Variants in PSME3IP1 observed in about 807,000 individuals in gnomAD.
PSME3IP1 encodes the protein proteasome activator subunit 3 interacting protein 1, also known as PSME3-interacting protein.
A neutral mutation model predicts 34.1 loss-of-function variants in PSME3IP1; 13 were observed. That is an observed-to-expected ratio of 0.38 (90% CI 0.25 to 0.61). The LOEUF is 0.61. Among genes scored for constraint, PSME3IP1 ranks in the 20% least tolerant of loss-of-function variants. The pLI is 0.60. For missense variants in PSME3IP1, 237 were observed against 301.4 expected, an observed-to-expected ratio of 0.79 and a Z score of 1.58; for synonymous variants, 93 against 114.3, an observed-to-expected ratio of 0.81 and a Z score of 1.19.
chr16:57,178,676 A>G (rs1157810200), intron 1 of PSME3IP1: 8 of 985,120 alleles, frequency 8.1e-6, no homozygotes, highest in African/African-American at 5.2e-5. Flanking sequence ...TTTGTGCAGT[A>G]AGAAACAAAG....
At chr16:57,161,982 G>A (rs780122104) in intron 6 of PSME3IP1, among the ~76,000 whole-genome samples, 5 of 152,014 alleles carry the variant, frequency 3.3e-5, no homozygotes, top group African/African-American at 4.8e-5. Context: ...TCGGCTCACC[G>A]CAACCTCTGC....
intron 1 of PSME3IP1, chr16:57,174,312 C>A: frequency 2.2e-6 from 1 of 453,188 alleles, no homozygotes; most frequent in Non-Finnish European, 2.9e-6. Context: ...AAAAAACTCT[C>A]AAATAGTTTA....
At chr16:57,184,513 A>G (rs1249781581) in intron 1 of PSME3IP1, among the ~76,000 whole-genome samples, 2 of 152,204 alleles carry the variant, frequency 1.3e-5, no homozygotes, top group Non-Finnish European at 1.5e-5. Flanking sequence ...GTGAAACATA[A>G]TATTTAAGAA....
chr16:57,169,857 T>C (rs543949891), intron 4 of PSME3IP1, among the ~76,000 whole-genome samples: 35 of 152,054 alleles, frequency 2.3e-4, no homozygotes, highest in Non-Finnish European at 4.7e-4. Flanking sequence ...CGAACACATA[T>C]TATTTTGGGG....
Position 57,185,800 on chromosome 16 carries a change from C to T in PSME3IP1, c.-16+21G>A, listed in dbSNP as rs529940617. Reference sequence around the variant, plus strand: ...TGGAACCCAGGTGTCGCCGCCAGGCCAGGACCGAGGCCGCACTCACCTACC... The same window carrying T: ...TGGAACCCAGGTGTCGCCGCCAGGCTAGGACCGAGGCCGCACTCACCTACC... On this transcript the variant is annotated intron_variant, in intron 1 of 6. Transcript: ENST00000309137. The T allele has an allele frequency of 5.1e-6, 5 of 985,396 alleles. No homozygotes were observed. The African/African-American group carries it at 8.7e-5, about 17-fold the overall frequency. The allele number at this position is 985,396 out of a possible 1,614,324, so 61.0% of individuals were successfully genotyped here.
At chr16:57,164,168 T>G in intron 5 of PSME3IP1, 103 bp from the exon 6 acceptor site, 1 of 925,794 alleles carries the variant, frequency 1.1e-6, no homozygotes. Context: ...TTAGGCAGTC[T>G]CAAGAGGCTG....
chr16:57,163,408 CAG>C (rs2071504706), intron 6 of PSME3IP1, among the ~76,000 whole-genome samples: 1 of 152,156 alleles, frequency 6.6e-6, no homozygotes, highest in Non-Finnish European at 1.5e-5. Context: ...GAATTTAGTT[CAG>C]AGTCTCAATC....
At chr16:57,158,894 C>T (rs867466409) in intron 6 of PSME3IP1, among the ~76,000 whole-genome samples, 1 of 152,156 alleles carries the variant, frequency 6.6e-6, no homozygotes, top group Admixed American at 6.5e-5. Flanking sequence ...ATACTGTAGG[C>T]AGCTGTAATA....
intron 4 of PSME3IP1, among the ~76,000 whole-genome samples, chr16:57,170,209 A>T (rs1396467349): frequency 1.3e-5 from 2 of 151,610 alleles, no homozygotes; most frequent in African/African-American, 2.4e-5. Flanking sequence ...CAGCCTCCTG[A>T]GTAGTTGGGA....
At chr16:57,182,045 G>A (rs1477137685) in intron 1 of PSME3IP1, among the ~76,000 whole-genome samples, 1 of 152,154 alleles carries the variant, frequency 6.6e-6, no homozygotes, top group African/African-American at 2.4e-5. Context: ...ATTGGTTGAA[G>A]GTCCCAACCC....
intron 1 of PSME3IP1, among the ~76,000 whole-genome samples, chr16:57,177,495 A>G (rs1326665547): frequency 6.6e-6 from 1 of 152,024 alleles, no homozygotes; most frequent in East Asian, 1.9e-4. Context: ...CCCGGCCTAC[A>G]ATCTTTTATA....
intron 5 of PSME3IP1, 63 bp from the exon 6 acceptor site, chr16:57,164,128 C>T: frequency 6.9e-7 from 1 of 1,446,012 alleles, no homozygotes; most frequent in South Asian, 1.1e-5. Flanking sequence ...CTTAGGGAAT[C>T]AGGAGCTCCA....
chr16:57,185,279 CCAACTCTCAAG>C (rs1567467534), intron 1 of PSME3IP1, among the ~76,000 whole-genome samples: 1 of 152,222 alleles, frequency 6.6e-6, no homozygotes, highest in African/African-American at 2.4e-5. Flanking sequence ...ACAAGGACCA[CCAACTCTCAAG>C]CATGACGCTT....
intron 5 of PSME3IP1, among the ~76,000 whole-genome samples, chr16:57,165,372 T>G (rs1416394534): frequency 6.6e-6 from 1 of 152,118 alleles, no homozygotes; most frequent in Non-Finnish European, 1.5e-5. Context: ...TAAGGAAAAT[T>G]TATAGCTTCA....
Position 57,185,887 on chromosome 16 carries a change from G to A in PSME3IP1, c.-82C>T, listed in dbSNP as rs1387254940. On this transcript the variant is annotated 5_prime_UTR_variant, in exon 1 of 7. Transcript: ENST00000309137. Reference sequence around the variant, plus strand: ...GCCCACCCCAAACCGCCACCGCAGAGCCGCTCGCTCTTAAAAAAGAAAAAA... The same window carrying A: ...GCCCACCCCAAACCGCCACCGCAGAACCGCTCGCTCTTAAAAAAGAAAAAA... The A allele has an allele frequency of 3.0e-6, 3 of 984,036 alleles. No homozygotes were observed. The highest frequency in any genetic ancestry group is 3.6e-6 in the Non-Finnish European group (3 of 829,802). The allele number at this position is 984,036 out of a possible 1,614,324, so 61.0% of individuals were successfully genotyped here. A position where few individuals can be genotyped will look rare whatever the true frequency, so the allele number is the denominator to read the frequency against.
chr16:57,171,430 G>C lies in PSME3IP1; in HGVS notation c.348+821C>G, dbSNP rs553694017. Among the ~76,000 whole-genome samples, 9 of 152,334 alleles carry C rather than the reference G, an allele frequency of 5.9e-5. No individual in the cohort carries two copies. In the South Asian group the frequency reaches 1.9e-3, roughly 32 times the overall value. ...GGAACCCACTAGACTGTTTCAAATA[G>C]AAAAGTGACATGATGCCATGTATGG... is the stretch of plus-strand genomic sequence containing the variant. On this transcript the variant is annotated intron_variant, in intron 4 of 6. Transcript: ENST00000309137.
intron 1 of PSME3IP1, chr16:57,175,707 T>C (rs2073109507): frequency 6.6e-6 from 1 of 152,114 alleles, no homozygotes; most frequent in Admixed American, 6.5e-5. Flanking sequence ...AGGCCTGATA[T>C]CAAAAATGCA....
At chr16:57,158,478 C>G (rs1830852810) in intron 6 of PSME3IP1, among the ~76,000 whole-genome samples, 1 of 152,148 alleles carries the variant, frequency 6.6e-6, no homozygotes, top group Admixed American at 6.5e-5. Context: ...ATCCCAGCTA[C>G]TTGGGTGGCT....
At chr16:57,160,506 T>A (rs1178892564) in intron 6 of PSME3IP1, among the ~76,000 whole-genome samples, 1 of 152,248 alleles carries the variant, frequency 6.6e-6, no homozygotes, top group Non-Finnish European at 1.5e-5. Flanking sequence ...CAAATGTATA[T>A]CCTCTCTGAC....
Sources: gnomAD v4.1 joint callset for allele counts (sites outside exome capture counted in the v4.1 genomes callset) on GRCh38, gnomAD v4.1.1 for gene constraint, MANE v1.5 for transcripts, NCBI Gene and HGNC (gene_info 2026-07-23, HGNC 2026-07-21) for gene names.